The following GALNT16 variants were observed in gnomAD, a reference collection of about 807,000 sequenced individuals.
GALNT16 encodes the protein polypeptide N-acetylgalactosaminyltransferase 16.
A neutral mutation model predicts 76.1 loss-of-function variants in GALNT16; 40 were observed. The observed-to-expected ratio is 0.53, with a 90% CI of 0.41 to 0.68. The LOEUF is 0.68. GALNT16 is among the 30% of genes least tolerant of loss of function. GALNT16 has a pLI of 0.00. For missense variants in GALNT16, 621 were observed against 731.9 expected (o/e 0.85, Z 1.75); for synonymous variants, 276 against 285.2 (o/e 0.97, Z 0.32).
At chr14:69,380,520 C>T in the GALNT16 span, 5 of 1,366,674 alleles carry the variant, frequency 3.7e-6, no homozygotes, top group East Asian at 4.6e-5. Context: ...CCCAACCCCC[C>T]CAGTGCTTCC....
At chr14:69,287,119 T>C (rs907177652) in intron 1 of GALNT16, among the ~76,000 whole-genome samples, 1 of 152,216 alleles carries the variant, frequency 6.6e-6, no homozygotes, top group African/African-American at 2.4e-5. Context: ...CTCACCATGG[T>C]TTGTGACTCT....
intron 1 of GALNT16, among the ~76,000 whole-genome samples, chr14:69,302,425 T>C (rs926095138): frequency 1.5e-5 from 2 of 132,350 alleles, no homozygotes; most frequent in African/African-American, 6.1e-5. Flanking sequence ...CCTAGAATCA[T>C]ACTGATTTTA....
chr14:69,384,849 C>G, the GALNT16 span, among the ~76,000 whole-genome samples: 2 of 152,156 alleles, frequency 1.3e-5, no homozygotes, highest in Non-Finnish European at 2.9e-5. Flanking sequence ...AATTTCATAT[C>G]CAGTGGATGA....
At chr14:69,300,646 G>T (rs2044838799) in intron 1 of GALNT16, among the ~76,000 whole-genome samples, 1 of 152,194 alleles carries the variant, frequency 6.6e-6, no homozygotes, top group South Asian at 2.1e-4. Flanking sequence ...CAAATCACCT[G>T]CCCTACCTGC....
At chr14:69,342,738 G>A (rs957510097) in intron 12 of GALNT16, among the ~76,000 whole-genome samples, 5 of 152,178 alleles carry the variant, frequency 3.3e-5, no homozygotes, top group Non-Finnish European at 7.4e-5. Flanking sequence ...ATATGTGTGC[G>A]TTCTCACAGG....
intron 10 of GALNT16, among the ~76,000 whole-genome samples, chr14:69,339,009 A>G (rs1439683648): frequency 7.2e-5 from 11 of 151,910 alleles, no homozygotes; most frequent in Non-Finnish European, 1.6e-4. Context: ...CTTTGTCCAT[A>G]TGAGTCTCGG....
intron 1 of GALNT16, among the ~76,000 whole-genome samples, chr14:69,319,711 C>T (rs1397074984): frequency 2.6e-5 from 4 of 152,216 alleles, no homozygotes; most frequent in Non-Finnish European, 5.9e-5. Context: ...CATGAAGGAA[C>T]GGGATGGGCA....
chr14:69,307,934 G>A (rs980181540), intron 1 of GALNT16, among the ~76,000 whole-genome samples: 1 of 151,424 alleles, frequency 6.6e-6, no homozygotes. Flanking sequence ...CTTGTGCTTT[G>A]GGGAGAAATC....
intron 5 of GALNT16, 46 bp downstream of exon 5, chr14:69,326,073 C>T (rs759919511): frequency 7.1e-7 from 1 of 1,401,534 alleles, no homozygotes. Flanking sequence ...ATCTTGGTGT[C>T]ATCCTGTGCA....
chr14:69,299,914 G>A (rs74059944), intron 1 of GALNT16, among the ~76,000 whole-genome samples: 1,679 of 152,254 alleles, frequency 0.011, 40 homozygotes, highest in African/African-American at 0.038. Flanking sequence ...CAAGGTGTCC[G>A]TGTTACAGGG....
intron 12 of GALNT16, among the ~76,000 whole-genome samples, chr14:69,342,423 A>AAGGTGAGGGG: frequency 7.7e-6 from 1 of 129,874 alleles, no homozygotes; most frequent in African/African-American, 2.8e-5. Flanking sequence ...AGGAAGAGGG[A>AAGGTGAGGGG]AGGTGAGGGG....
chr14:69,344,329 T>G (rs1030116503), intron 12 of GALNT16, among the ~76,000 whole-genome samples: 2 of 152,266 alleles, frequency 1.3e-5, no homozygotes, highest in African/African-American at 2.4e-5. Context: ...GCTAGTTGCA[T>G]AGTAGACATT....
Position 69,353,957 on chromosome 14 carries a change from C to T in GALNT16, c.*1789C>T, listed in dbSNP as rs949443012. 1 of 152,566 alleles carries T rather than the reference C, an allele frequency of 6.6e-6. No homozygotes were observed. Among genetic ancestry groups the T allele is most frequent in the Non-Finnish European group, 1.5e-5 (1 of 68,300 alleles). The allele number at this position is 152,566 out of a possible 1,614,324, so 9.5% of individuals were successfully genotyped here. A position where few individuals can be genotyped will look rare whatever the true frequency, so the allele number is the denominator to read the frequency against. The stretch of plus-strand genomic sequence containing the variant: ...TCTCCAGCAGTTTCGCCTCCTGACT[C>T]TCACCAGCGTCCTCTCGGCAGCACT... On this transcript the variant is annotated 3_prime_UTR_variant, in exon 15 of 15. Coordinates refer to ENST00000448469, the MANE Select transcript of GALNT16 (RefSeq NM_001168368.2).
At chr14:69,267,708 C>T (rs1367022254) in intron 1 of GALNT16, among the ~76,000 whole-genome samples, 1 of 152,112 alleles carries the variant, frequency 6.6e-6, no homozygotes, top group Non-Finnish European at 1.5e-5. Context: ...TGAATGAAGT[C>T]CAAGTGATCC....
the GALNT16 span, among the ~76,000 whole-genome samples, chr14:69,367,502 C>G: frequency 6.6e-6 from 1 of 152,020 alleles, no homozygotes; most frequent in African/African-American, 2.4e-5. Flanking sequence ...GGCACCTGAT[C>G]TTGGACTTAC....
At chr14:69,351,832 A>G (rs45443301) in intron 14 of GALNT16, 199 bp from the exon 15 acceptor site, 133,604 of 518,636 alleles carry the variant, frequency 0.26, 18,510 homozygotes, top group Middle Eastern at 0.3. Flanking sequence ...GGATTGCTTG[A>G]ACTCAGGAGT....
upstream of GALNT16, chr14:69,259,746 G>A (rs1192000557): frequency 6.5e-6 from 1 of 153,722 alleles, no homozygotes; most frequent in Admixed American, 6.5e-5. Flanking sequence ...CGCGGGCCCA[G>A]GTCGGGGGTC....
chr14:69,318,831 A>T, intron 1 of GALNT16, among the ~76,000 whole-genome samples: 1 of 152,234 alleles, frequency 6.6e-6, no homozygotes, highest in East Asian at 1.9e-4. Flanking sequence ...ACCTAGAGCT[A>T]AGAGGGCATC....
intron 1 of GALNT16, 181 bp downstream of exon 1, chr14:69,260,648 T>A (rs2044253682): frequency 9.0e-6 from 3 of 333,274 alleles, no homozygotes; most frequent in Non-Finnish European, 1.5e-5. Context: ...GCGGCGGGGC[T>A]GGGGCGCACC....
Sources: gnomAD v4.1 joint callset for allele counts (sites outside exome capture counted in the v4.1 genomes callset) on GRCh38, gnomAD v4.1.1 for gene constraint, MANE v1.5 for transcripts, NCBI Gene and HGNC (gene_info 2026-07-23, HGNC 2026-07-21) for gene names.